Variants in CCDC191 observed in about 807,000 individuals in gnomAD.
CCDC191 encodes the protein coiled-coil domain containing 191, also known as coiled-coil domain-containing protein 191.
In CCDC191, 99 loss-of-function variants were observed where a neutral mutation model predicts 114.0. The observed-to-expected ratio is 0.87, with a 90% CI of 0.74 to 1.03. The LOEUF is 1.03. CCDC191 is among the 50% of genes least tolerant of loss of function. CCDC191 has a pLI of 0.00. For missense variants in CCDC191, 973 were observed against 1,087.0 expected, an observed-to-expected ratio of 0.90 and a Z score of 1.47; for synonymous variants, 351 against 376.0, an observed-to-expected ratio of 0.93 and a Z score of 0.77.
rs541140224 is a variant in CCDC191 at position 113,974,539 on chromosome 3, C to T, written c.2606+3647G>A. Among the ~76,000 whole-genome samples the T allele has an allele frequency of 9.4e-5, 14 of 149,310 alleles. No homozygotes were observed. The East Asian group carries it at 2.4e-3, about 26-fold the overall frequency. The stretch of plus-strand genomic sequence containing the variant: ...TTCACCATGTTGGCCAGGCTGGTGT[C>T]GAATTCCTCACCTCAGGTGATCTGC... On this transcript the variant is annotated intron_variant, in intron 16 of 16. Coordinates refer to ENST00000295878, the MANE Select transcript of CCDC191 (RefSeq NM_020817.2).
At chr3:113,998,888 G>A (rs551600603) in intron 13 of CCDC191, among the ~76,000 whole-genome samples, 4 of 152,276 alleles carry the variant, frequency 2.6e-5, no homozygotes, top group African/African-American at 9.6e-5. Flanking sequence ...TCTGACCAAA[G>A]AACTCACTTC....
At chr3:114,043,866 G>A (rs1430510287) in intron 3 of CCDC191, among the ~76,000 whole-genome samples, 1 of 152,054 alleles carries the variant, frequency 6.6e-6, no homozygotes, top group Non-Finnish European at 1.5e-5. Flanking sequence ...ACTTGCTAAT[G>A]GACTGGATAT....
intron 4 of CCDC191, among the ~76,000 whole-genome samples, chr3:114,039,221 T>C (rs78076163): frequency 0.02 from 3,068 of 152,002 alleles, 45 homozygotes; most frequent in Admixed American, 0.035. Flanking sequence ...GAAAAAAAAA[T>C]TGGGCTGGGC....
In CCDC191 at chr3:114,007,692, T is replaced by C. The variant is rs73856222; in HGVS notation, c.1414-1730A>G. Among the ~76,000 whole-genome samples, 880 of 152,220 alleles carry C rather than the reference T, an allele frequency of 5.8e-3. 12 individuals carry two copies. The highest frequency in any genetic ancestry group is 0.02 in the African/African-American group (847 of 41,524). ...GCTTAGTGGTACAGATAGTACTTAA[T>C]AGAGCAGGAGTGAATGGTCTGACTT... On this transcript the variant is annotated intron_variant, in intron 9 of 16. Transcript: ENST00000295878.
At chr3:113,980,609 G>C in intron 14 of CCDC191, 41 bp downstream of exon 14, 2 of 1,519,544 alleles carry the variant, frequency 1.3e-6, no homozygotes, top group Non-Finnish European at 1.8e-6. Context: ...ATTTGGAAAA[G>C]TCCATTTTCT....
chr3:114,030,545 C>T (rs1452775686), intron 7 of CCDC191, among the ~76,000 whole-genome samples: 1 of 152,126 alleles, frequency 6.6e-6, no homozygotes, highest in Non-Finnish European at 1.5e-5. Context: ...TACATTTCTC[C>T]CTACTACATT....
At chr3:114,036,869 T>C (rs1399757470) in intron 4 of CCDC191, 83 bp from the exon 5 acceptor site, 4 of 892,912 alleles carry the variant, frequency 4.5e-6, no homozygotes, top group Non-Finnish European at 6.2e-6. Flanking sequence ...TAAAGAATCC[T>C]AGTACAATAA....
chr3:113,990,379 T>C (rs1016472305), intron 13 of CCDC191, among the ~76,000 whole-genome samples: 1 of 152,040 alleles, frequency 6.6e-6, no homozygotes, highest in East Asian at 1.9e-4. Context: ...ACTACCAAGT[T>C]TTACTCAAGA....
intron 7 of CCDC191, among the ~76,000 whole-genome samples, chr3:114,021,680 TC>T: frequency 6.6e-6 from 1 of 151,980 alleles, no homozygotes; most frequent in East Asian, 1.9e-4. Flanking sequence ...TATTCCTCCC[TC>T]CCCCCAGCTT....
At chr3:114,044,977 T>C (rs2076609701) in intron 3 of CCDC191, among the ~76,000 whole-genome samples, 1 of 152,240 alleles carries the variant, frequency 6.6e-6, no homozygotes. Flanking sequence ...AACCATGTTC[T>C]ATCCATTGGT....
rs188816976 is a variant in CCDC191, at chr3:113,988,954, C to T, written c.2164-8161G>A. Among the ~76,000 whole-genome samples the T allele has an allele frequency of 4.1e-4, 63 of 152,112 alleles. 1 individual carries two copies. Among genetic ancestry groups the T allele is most frequent in the African/African-American group, 1.4e-3 (58 of 41,514 alleles). The stretch of plus-strand genomic sequence containing the variant: ...GACTACAGGTGCCCACCACCACACC[C>T]GGCTAATATTTTTGTATTTTTTTAG... On this transcript the variant is annotated intron_variant, in intron 13 of 16. Transcript: ENST00000295878.
chr3:114,039,176 T>C (rs1220453013), intron 4 of CCDC191, among the ~76,000 whole-genome samples: 1 of 152,010 alleles, frequency 6.6e-6, no homozygotes, highest in Non-Finnish European at 1.5e-5. Flanking sequence ...ATACTACACT[T>C]TTATCATTAT....
intron 13 of CCDC191, among the ~76,000 whole-genome samples, chr3:113,999,420 C>T (rs563473040): frequency 3.9e-5 from 6 of 152,250 alleles, no homozygotes; most frequent in African/African-American, 1.2e-4. Flanking sequence ...CAAGGGGAAA[C>T]TGAACTACTA....
chr3:114,044,026 T>A (rs1024376482), intron 3 of CCDC191, among the ~76,000 whole-genome samples: 2 of 151,894 alleles, frequency 1.3e-5, no homozygotes, highest in African/African-American at 4.8e-5. Context: ...AGGTTTGAGA[T>A]GTTTAGGAGA....
In CCDC191 at chr3:114,004,727, C is replaced by A; in HGVS notation, c.1888G>T (p.Gly630Trp). Residue 630 changes from glycine to tryptophan, a missense_variant, in exon 11 of 17, where the codon GGG (glycine) becomes TGG (tryptophan). By Grantham distance (184) the Gly-to-Trp change is radical. Transcript: ENST00000295878. Reference sequence around the variant, plus strand: ...CGGGAGTCACTTCTGCCTTCAGTCCCAGGGGAAGCAACAGGTGAACTAGGG... The same window carrying A: ...CGGGAGTCACTTCTGCCTTCAGTCCAAGGGGAAGCAACAGGTGAACTAGGG... ...MLVNSPVASPGTEGRSDSRNS... is the reference protein window; with the variant it reads ...MLVNSPVASPWTEGRSDSRNS... The A allele has an allele frequency of 6.2e-7, 1 of 1,610,658 alleles. No individual in the cohort carries two copies. Among genetic ancestry groups the A allele is most frequent in the South Asian group, 1.1e-5 (1 of 90,852 alleles).
chr3:113,978,642 A>C, intron 15 of CCDC191: 1 of 617,234 alleles, frequency 1.6e-6, no homozygotes, highest in Non-Finnish European at 2.8e-6. Context: ...CTTACAGTTT[A>C]TACACACTCC....
intron 13 of CCDC191, among the ~76,000 whole-genome samples, chr3:113,989,348 T>C (rs2075479828): frequency 6.6e-6 from 1 of 152,220 alleles, no homozygotes; most frequent in African/African-American, 2.4e-5. Flanking sequence ...CTGAGTACTA[T>C]AGTACTATAC....
At chr3:113,979,443 G>A (rs373160627) in intron 14 of CCDC191, among the ~76,000 whole-genome samples, 1 of 152,168 alleles carries the variant, frequency 6.6e-6, no homozygotes, top group Non-Finnish European at 1.5e-5. Flanking sequence ...GTTGTGGAAT[G>A]AGCTGTCACC....
intron 4 of CCDC191, among the ~76,000 whole-genome samples, chr3:114,040,315 G>T (rs2076543565): frequency 6.6e-6 from 1 of 152,114 alleles, no homozygotes; most frequent in South Asian, 2.1e-4. Context: ...GATGCATTTT[G>T]CAGGACTTAT....
Sources: allele counts gnomAD v4.1 joint callset (sites outside exome capture counted in the v4.1 genomes callset), GRCh38; gene constraint gnomAD v4.1.1; transcripts MANE v1.5; gene names NCBI Gene and HGNC (gene_info 2026-07-23, HGNC 2026-07-21).